The following ALK variants were observed in gnomAD, a reference collection of about 807,000 sequenced individuals.
ALK encodes ALK tyrosine kinase receptor.
ALK carries 74 observed loss-of-function variants against 163.1 expected under a neutral mutation model. The ratio of observed to expected loss-of-function variants is 0.45; its 90% confidence interval spans 0.38 to 0.55. The LOEUF is 0.55. ALK is among the 20% of genes least tolerant of loss of function. ALK has a pLI of 0.00. For missense variants in ALK, 2,063 were observed against 2,105.3 expected, an observed-to-expected ratio of 0.98 and a Z score of 0.39; for synonymous variants, 960 against 843.2, an observed-to-expected ratio of 1.14 and a Z score of -2.40.
chr2:29,400,940 A>T (rs1669429628), intron 4 of ALK, among the ~76,000 whole-genome samples: 1 of 151,286 alleles, frequency 6.6e-6, no homozygotes, highest in Non-Finnish European at 1.5e-5. Context: ...GCACCATTGC[A>T]CTCCAGCCTG....
In ALK at chr2:29,921,330, C is replaced by T. The variant is rs929236791; in HGVS notation, c.-671G>A. The T allele has an allele frequency of 4.3e-6, 1 of 233,238 alleles. No homozygotes were observed. Among genetic ancestry groups the T allele is most frequent in the Non-Finnish European group, 8.5e-6 (1 of 118,020 alleles). 14.4% of individuals were successfully genotyped at this position (233,238 alleles called of 1,614,324 possible). A position where few individuals can be genotyped will look rare whatever the true frequency, so the allele number is the denominator to read the frequency against. ...GCTGCGCAAGTTTGCAGCGTCCTTG[C>T]TCTCACCGGCGCCTCGGCTCCTCAG... On this transcript the variant is annotated 5_prime_UTR_variant, in exon 1 of 29. Transcript: ENST00000389048.
chr2:29,419,313 CA>C (rs1330145424), intron 4 of ALK, among the ~76,000 whole-genome samples: 4 of 151,422 alleles, frequency 2.6e-5, no homozygotes, highest in Admixed American at 2.6e-4. Context: ...CTCGGCTTCC[CA>C]AAGCGCTGGG....
At chr2:29,706,459 A>G (rs114904773) in intron 2 of ALK, among the ~76,000 whole-genome samples, 1,593 of 152,278 alleles carry the variant, frequency 0.01, 29 homozygotes, top group African/African-American at 0.035. Context: ...TTTGTCATAG[A>G]GCCCCAGAAC....
chr2:29,501,105 G>A (rs1399954840), intron 4 of ALK, among the ~76,000 whole-genome samples: 1 of 151,980 alleles, frequency 6.6e-6, no homozygotes, highest in African/African-American at 2.4e-5. Flanking sequence ...CTGATGCATG[G>A]GGAGAAGAAC....
At chr2:29,721,236 TG>T (rs1679412810) in intron 1 of ALK, among the ~76,000 whole-genome samples, 1 of 152,212 alleles carries the variant, frequency 6.6e-6, no homozygotes, top group Non-Finnish European at 1.5e-5. Flanking sequence ...ATCCCCCTAA[TG>T]TCCTCAGCTT....
At chr2:29,756,574 C>T (rs1680538235) in intron 1 of ALK, among the ~76,000 whole-genome samples, 1 of 150,326 alleles carries the variant, frequency 6.7e-6, no homozygotes, top group South Asian at 2.1e-4. Flanking sequence ...ACTCTGTTGC[C>T]CAGGCTGGCA....
At chr2:29,898,684 C>G (rs1667333573) in intron 1 of ALK, among the ~76,000 whole-genome samples, 1 of 152,224 alleles carries the variant, frequency 6.6e-6, no homozygotes, top group Non-Finnish European at 1.5e-5. Flanking sequence ...GACCAGCAGC[C>G]CTTGCCACAG....
chr2:29,878,074 GC>G (rs1228404466), intron 1 of ALK, among the ~76,000 whole-genome samples: 3 of 152,110 alleles, frequency 2.0e-5, no homozygotes, highest in Admixed American at 6.5e-5. Flanking sequence ...GATAAGAATG[GC>G]TTTTCATCCA....
chr2:29,230,948 G>T (rs1370345479), intron 15 of ALK, among the ~76,000 whole-genome samples: 1 of 149,462 alleles, frequency 6.7e-6, no homozygotes, highest in Non-Finnish European at 1.5e-5. Flanking sequence ...AGCTGAGGAG[G>T]TTTCTGACCC....
At chr2:29,576,899 G>A (rs1304151100) in intron 3 of ALK, among the ~76,000 whole-genome samples, 1 of 151,780 alleles carries the variant, frequency 6.6e-6, no homozygotes, top group East Asian at 1.9e-4. Flanking sequence ...AGGAAAACAA[G>A]CTCAGGGCTT....
At chr2:29,387,510 C>T (rs1411252831) in intron 4 of ALK, among the ~76,000 whole-genome samples, 3 of 152,120 alleles carry the variant, frequency 2.0e-5, no homozygotes, top group Non-Finnish European at 4.4e-5. Context: ...GGAGCTGAGT[C>T]CTGGATTCCG....
At chr2:29,734,057 C>A (rs980380108) in intron 1 of ALK, among the ~76,000 whole-genome samples, 1 of 152,124 alleles carries the variant, frequency 6.6e-6, no homozygotes, top group Non-Finnish European at 1.5e-5. Flanking sequence ...AAGGTGAGAA[C>A]TGAGGCATGG....
intron 3 of ALK, among the ~76,000 whole-genome samples, chr2:29,532,594 G>A (rs981388594): frequency 1.3e-5 from 2 of 152,150 alleles, no homozygotes; most frequent in Non-Finnish European, 2.9e-5. Context: ...GAGCCTATGA[G>A]TCATGTGAAC....
intron 26 of ALK, among the ~76,000 whole-genome samples, chr2:29,198,988 C>CATAAAAG (rs1330160233): frequency 1.3e-5 from 2 of 149,064 alleles, no homozygotes. Context: ...TAGTCTCACT[C>CATAAAAG]TGTTACTCAG....
At chr2:29,210,820 G>A (rs2148156384) in intron 24 of ALK, among the ~76,000 whole-genome samples, 1 of 152,286 alleles carries the variant, frequency 6.6e-6, no homozygotes, top group East Asian at 1.9e-4. Context: ...TGTCATCTCT[G>A]CTGTTGACTA....
At chr2:29,671,669 A>G (rs548949777) in intron 3 of ALK, among the ~76,000 whole-genome samples, 1 of 152,140 alleles carries the variant, frequency 6.6e-6, no homozygotes, top group East Asian at 1.9e-4. Flanking sequence ...CACAGATGTG[A>G]AAGTCTGATT....
intron 2 of ALK, among the ~76,000 whole-genome samples, chr2:29,705,939 TCAGCTGGAAG>T (rs1678899687): frequency 6.6e-6 from 1 of 152,224 alleles, no homozygotes; most frequent in South Asian, 2.1e-4. Context: ...AAGCCCTGTT[TCAGCTGGAAG>T]CATAAAAGGA....
intron 3 of ALK, among the ~76,000 whole-genome samples, chr2:29,591,034 G>A (rs1302062429): frequency 2.6e-5 from 3 of 116,024 alleles, no homozygotes; most frequent in East Asian, 2.9e-4. Flanking sequence ...TCGCGCCACC[G>A]CACTCCAACC....
In ALK at chr2:29,920,719, C is replaced by A. The variant is rs772016409; in HGVS notation, c.-60G>T. The A allele has an allele frequency of 1.4e-6, 2 of 1,435,544 alleles. No individual in the cohort carries two copies. The highest frequency in any genetic ancestry group is 1.4e-5 in the African/African-American group (1 of 71,030). 88.9% of individuals were successfully genotyped at this position (1,435,544 alleles called of 1,614,324 possible). On this transcript the variant is annotated 5_prime_UTR_variant, in exon 1 of 29. Coordinates refer to ENST00000389048, the MANE Select transcript of ALK (RefSeq NM_004304.5). The stretch of plus-strand genomic sequence containing the variant: ...GCCCAGCCTCACCCTTCGCTCTCCC[C>A]GAGATGGGAAGAGGCTCTGAACAGT...
Sources: allele counts gnomAD v4.1 joint callset (sites outside exome capture counted in the v4.1 genomes callset), GRCh38; gene constraint gnomAD v4.1.1; transcripts MANE v1.5; gene names NCBI Gene and HGNC (gene_info 2026-07-23, HGNC 2026-07-21).